The following FKBP9 variants were observed in gnomAD, a reference collection of about 807,000 sequenced individuals.
FKBP9 encodes the protein peptidyl-prolyl cis-trans isomerase FKBP9.
FKBP9 carries 27 observed loss-of-function variants against 55.6 expected under a neutral mutation model. That is an observed-to-expected ratio of 0.49 (90% CI 0.36 to 0.67). The LOEUF (loss-of-function observed/expected upper bound fraction) is 0.67. FKBP9 is among the 30% of genes least tolerant of loss of function. The probability of loss-of-function intolerance (pLI) is 0.00; values close to 1 mark genes in which losing one functional copy is unlikely to be tolerated. For missense variants in FKBP9, 539 were observed against 742.8 expected (o/e 0.73, Z 3.19); for synonymous variants, 267 against 296.5 (o/e 0.90, Z 1.02).
intron 1 of FKBP9, chr7:32,963,714 C>T (rs1468345661): frequency 3.0e-6 from 4 of 1,346,570 alleles, no homozygotes; most frequent in Middle Eastern, 1.9e-4. Flanking sequence ...TGACTTTCTG[C>T]CTCTCTCCAA....
At chr7:32,990,933 T>C (rs1281041800) in intron 6 of FKBP9, among the ~76,000 whole-genome samples, 1 of 149,976 alleles carries the variant, frequency 6.7e-6, no homozygotes, top group Non-Finnish European at 1.5e-5. Context: ...AATATTTTTT[T>C]CTCCCTGACT....
At chr7:32,991,677 T>C (rs1234205864) in intron 6 of FKBP9, among the ~76,000 whole-genome samples, 2 of 152,014 alleles carry the variant, frequency 1.3e-5, no homozygotes, top group Non-Finnish European at 2.9e-5. Flanking sequence ...GTAGGCCTCC[T>C]GGGAGAGGTT....
At position 32,965,831 on chromosome 7, in the gene FKBP9, ATATATATATATATGTGTG is replaced by A. The variant is rs1784130773; in HGVS notation, c.221+8040_221+8057del. Among the ~76,000 whole-genome samples the A allele has an allele frequency of 1.0e-4, 4 of 38,870 alleles. No homozygotes were observed. The South Asian group carries it at 3.3e-3, about 32-fold the overall frequency. The allele number at this position is 38,870 out of a possible 152,430, so 25.5% of individuals were successfully genotyped here. ...AAAAAAAATATATATATATATATAT[ATATATATATATATGTGTG>A]TACAGATATATATATATACATACAT... On this transcript the variant is annotated intron_variant, in intron 1 of 9. Transcript: ENST00000242209.
At chr7:32,969,424 C>T (rs1273969437) in intron 1 of FKBP9, among the ~76,000 whole-genome samples, 1 of 151,916 alleles carries the variant, frequency 6.6e-6, no homozygotes, top group African/African-American at 2.4e-5. Context: ...TAAGAATCTC[C>T]AACTTTATTC....
intron 1 of FKBP9, among the ~76,000 whole-genome samples, chr7:32,972,596 T>C (rs1342156887): frequency 6.6e-6 from 1 of 152,212 alleles, no homozygotes; most frequent in African/African-American, 2.4e-5. Context: ...ACAAATTCAG[T>C]CACCTGAAGT....
At chr7:32,998,413 A>G (rs1784859045) in intron 7 of FKBP9, 1 of 152,038 alleles carries the variant, frequency 6.6e-6, no homozygotes, top group Admixed American at 6.6e-5. Flanking sequence ...TGGGGCGGGG[A>G]GAGTCAGTCT....
intron 4 of FKBP9, among the ~76,000 whole-genome samples, chr7:32,978,878 T>C (rs1784412669): frequency 6.6e-6 from 1 of 152,262 alleles, no homozygotes; most frequent in Non-Finnish European, 1.5e-5. Context: ...TATCCAAGTA[T>C]AACTTTAAAT....
chr7:32,989,388 C>T (rs1489617851), intron 6 of FKBP9, among the ~76,000 whole-genome samples: 2 of 152,202 alleles, frequency 1.3e-5, no homozygotes, highest in East Asian at 1.9e-4. Context: ...AATCCTGCCA[C>T]CCAGAAATAA....
chr7:32,968,718 A>G (rs571227822), intron 1 of FKBP9, among the ~76,000 whole-genome samples: 8 of 151,870 alleles, frequency 5.3e-5, no homozygotes, highest in Admixed American at 5.2e-4. Context: ...GACTACAGGC[A>G]TATGCCACCA....
chr7:32,969,438 T>G (rs1305794379), intron 1 of FKBP9, among the ~76,000 whole-genome samples: 1 of 152,202 alleles, frequency 6.6e-6, no homozygotes, highest in East Asian at 1.9e-4. Context: ...TTTATTCTTT[T>G]GCATGTGGAG....
At chr7:32,966,295 A>C (rs1051128385) in intron 1 of FKBP9, among the ~76,000 whole-genome samples, 3 of 151,336 alleles carry the variant, frequency 2.0e-5, no homozygotes, top group Non-Finnish European at 4.4e-5. Flanking sequence ...TGTGTTGACT[A>C]TGATGTCTCT....
chr7:32,957,522 C>T lies in FKBP9; in HGVS notation c.-52C>T. 7.6e-7 allele frequency: 1 copy of T among 1,312,942 alleles called. No homozygotes were observed. The highest frequency in any genetic ancestry group is 2.8e-4 in the Middle Eastern group (1 of 3,616). The allele number at this position is 1,312,942 out of a possible 1,614,324, so 81.3% of individuals were successfully genotyped here. A position where few individuals can be genotyped will look rare whatever the true frequency, so the allele number is the denominator to read the frequency against. ...AACGCAGCCGAACGCCCAGGCCGACCCGTGCCGCCCGAGCGCCGCGCTGCG... is the reference window on the plus strand; with the variant it reads ...AACGCAGCCGAACGCCCAGGCCGACTCGTGCCGCCCGAGCGCCGCGCTGCG... On this transcript the variant is annotated 5_prime_UTR_variant, in exon 1 of 10. Transcript: ENST00000242209.
chr7:32,976,615 C>T, intron 4 of FKBP9, 116 bp downstream of exon 4: 1 of 1,409,552 alleles, frequency 7.1e-7, no homozygotes, highest in Non-Finnish European at 9.5e-7. Flanking sequence ...CCTACACTGG[C>T]CAATATGGTA....
At chr7:32,986,568 G>T (rs1279988313) in intron 5 of FKBP9, among the ~76,000 whole-genome samples, 1 of 152,234 alleles carries the variant, frequency 6.6e-6, no homozygotes, top group Non-Finnish European at 1.5e-5. Flanking sequence ...TCAGCGTGGG[G>T]TGCTGTTCTC....
chr7:32,983,725 T>C (rs1474801914), intron 5 of FKBP9, among the ~76,000 whole-genome samples: 1 of 152,218 alleles, frequency 6.6e-6, no homozygotes, highest in Non-Finnish European at 1.5e-5. Context: ...TTCAGTAACA[T>C]TGGGTATCAT....
chr7:32,988,175 C>A (rs1264621939), intron 5 of FKBP9, among the ~76,000 whole-genome samples: 1 of 152,060 alleles, frequency 6.6e-6, no homozygotes, highest in Non-Finnish European at 1.5e-5. Flanking sequence ...CAGAGTGAGA[C>A]CTTGCCTCAG....
At chr7:32,965,825 ATATATATATATATATATATG>A (rs1784128307) in intron 1 of FKBP9, among the ~76,000 whole-genome samples, 2 of 18,510 alleles carry the variant, frequency 1.1e-4, no homozygotes, top group African/African-American at 1.8e-4. Context: ...ATATATATAT[ATATATATATATATATATATG>A]TGTGTACAGA....
intron 1 of FKBP9, among the ~76,000 whole-genome samples, chr7:32,963,005 G>A (rs894275649): frequency 2.6e-5 from 4 of 152,200 alleles, no homozygotes; most frequent in Non-Finnish European, 4.4e-5. Flanking sequence ...CCAGCATGCA[G>A]TGAGTGCCTT....
chr7:32,959,106 T>C (rs1402454742), intron 1 of FKBP9, among the ~76,000 whole-genome samples: 1 of 144,528 alleles, frequency 6.9e-6, no homozygotes, highest in Non-Finnish European at 1.5e-5. Context: ...TTAGTTACTT[T>C]AAAAAAAAAA....
Sources: gnomAD v4.1 joint callset for allele counts (sites outside exome capture counted in the v4.1 genomes callset) on GRCh38, gnomAD v4.1.1 for gene constraint, MANE v1.5 for transcripts, NCBI Gene and HGNC (gene_info 2026-07-23, HGNC 2026-07-21) for gene names.